Variants in FHIT observed in about 807,000 individuals in gnomAD.
FHIT encodes fragile histidine triad diadenosine triphosphatase.
FHIT carries 19 observed loss-of-function variants against 17.9 expected under a neutral mutation model. That is an observed-to-expected ratio of 1.06 (90% confidence interval 0.74 to 1.56). FHIT has a LOEUF of 1.56. FHIT is among the 40% of genes most tolerant of loss of function. The pLI is 0.00. For missense variants in FHIT, 248 were observed against 189.2 expected, an observed-to-expected ratio of 1.31 and a Z score of -1.82; for synonymous variants, 81 against 69.7, an observed-to-expected ratio of 1.16 and a Z score of -0.81.
intron 8 of FHIT, among the ~76,000 whole-genome samples, chr3:59,842,231 T>A (rs1701560018): frequency 6.6e-6 from 1 of 152,214 alleles, no homozygotes; most frequent in African/African-American, 2.4e-5. Context: ...ATAGCACTTA[T>A]CAGGATTTCC....
intron 5 of FHIT, among the ~76,000 whole-genome samples, chr3:60,307,268 A>T (rs1474304407): frequency 1.3e-5 from 2 of 152,174 alleles, no homozygotes; most frequent in Non-Finnish European, 2.9e-5. Context: ...AAAAGTCAGT[A>T]AATTCGCCTG....
At chr3:60,850,216 A>G (rs1703096918) in intron 3 of FHIT, among the ~76,000 whole-genome samples, 1 of 150,980 alleles carries the variant, frequency 6.6e-6, no homozygotes, top group South Asian at 2.1e-4. Flanking sequence ...TAAAGTACCT[A>G]CCTTTATCAG....
chr3:60,505,791 A>G (rs2034704912), intron 5 of FHIT, among the ~76,000 whole-genome samples: 1 of 152,182 alleles, frequency 6.6e-6, no homozygotes, highest in African/African-American at 2.4e-5. Context: ...ATTGGCATCC[A>G]TTGGTATTGC....
In FHIT at chr3:59,749,378, C is replaced by A; in HGVS notation, c.*207G>T. The A allele has an allele frequency of 4.3e-6, 1 of 231,010 alleles. No homozygotes were observed. Among genetic ancestry groups the A allele is most frequent in the Non-Finnish European group, 8.6e-6 (1 of 116,930 alleles). The allele number at this position is 231,010 out of a possible 1,614,324, so 14.3% of individuals were successfully genotyped here. ...GAGACAGGGGGAAACCTCAAATCTG[C>A]CTGTCTGAGCCGTTTAGGTCTAGGT... On this transcript the variant is annotated 3_prime_UTR_variant, in exon 10 of 10. Transcript: ENST00000492590.
At chr3:60,277,184 TC>T (rs1484071289) in intron 5 of FHIT, among the ~76,000 whole-genome samples, 2 of 152,182 alleles carry the variant, frequency 1.3e-5, no homozygotes, top group African/African-American at 4.8e-5. Context: ...GATCTGGTTT[TC>T]TCTTTTAACC....
At chr3:60,362,889 A>T (rs1413476080) in intron 5 of FHIT, among the ~76,000 whole-genome samples, 2 of 152,216 alleles carry the variant, frequency 1.3e-5, no homozygotes, top group African/African-American at 4.8e-5. Flanking sequence ...GTGTCAGAGA[A>T]ATCAGAAGTT....
At chr3:61,095,545 T>C (rs1416285873) in intron 2 of FHIT, among the ~76,000 whole-genome samples, 1 of 152,082 alleles carries the variant, frequency 6.6e-6, no homozygotes, top group Admixed American at 6.5e-5. Flanking sequence ...CCCAATAACA[T>C]ATCCACGAAG....
intron 5 of FHIT, among the ~76,000 whole-genome samples, chr3:60,206,150 AAT>A (rs1337724152): frequency 3.9e-5 from 3 of 77,264 alleles, no homozygotes; most frequent in Non-Finnish European, 5.8e-5. Context: ...AAAAAAAATA[AAT>A]AATAATAATA....
At chr3:59,880,318 A>C (rs1703356420) in intron 8 of FHIT, among the ~76,000 whole-genome samples, 1 of 151,918 alleles carries the variant, frequency 6.6e-6, no homozygotes, top group African/African-American at 2.4e-5. Flanking sequence ...CCTTCCCTTC[A>C]TCCAGCTTAA....
intron 3 of FHIT, among the ~76,000 whole-genome samples, chr3:60,956,373 T>C (rs61022836): frequency 0.24 from 36,591 of 152,056 alleles, 4,764 homozygotes; most frequent in African/African-American, 0.34. Context: ...GTAGGCAGCC[T>C]TTCAGATCCG....
At chr3:60,497,251 C>T (rs1438737961) in intron 5 of FHIT, among the ~76,000 whole-genome samples, 1 of 151,846 alleles carries the variant, frequency 6.6e-6, no homozygotes, top group Admixed American at 6.6e-5. Flanking sequence ...AAAGGCAGCC[C>T]TAAAAACAGA....
At chr3:61,043,128 T>A (rs768887709) in intron 2 of FHIT, among the ~76,000 whole-genome samples, 1 of 152,194 alleles carries the variant, frequency 6.6e-6, no homozygotes, top group South Asian at 2.1e-4. Context: ...GTGCACCCCA[T>A]GGAGTGTGAG....
At chr3:60,380,391 C>T (rs1374491882) in intron 5 of FHIT, among the ~76,000 whole-genome samples, 1 of 152,178 alleles carries the variant, frequency 6.6e-6, no homozygotes, top group Non-Finnish European at 1.5e-5. Context: ...GATGTTGGTG[C>T]CATGCTTGTA....
chr3:60,108,788 C>T (rs1704541194), intron 5 of FHIT, among the ~76,000 whole-genome samples: 1 of 151,998 alleles, frequency 6.6e-6, no homozygotes, highest in Admixed American at 6.6e-5. Flanking sequence ...CTCAGCCTCC[C>T]CAGTAGCTGG....
chr3:60,466,295 G>C (rs1187735042), intron 5 of FHIT, among the ~76,000 whole-genome samples: 4 of 151,982 alleles, frequency 2.6e-5, no homozygotes, highest in Admixed American at 2.6e-4. Context: ...AGAGTCTTTA[G>C]ATTTTTCCAA....
chr3:60,908,596 T>A (rs556462994), intron 3 of FHIT, among the ~76,000 whole-genome samples: 1 of 149,398 alleles, frequency 6.7e-6, no homozygotes, highest in African/African-American at 2.5e-5. Flanking sequence ...GAAGAGAGAC[T>A]GAAACAGACA....
chr3:60,587,185 G>C lies in FHIT; in HGVS notation c.-17-50206C>G, dbSNP rs146748805. Among the ~76,000 whole-genome samples, 323 of 152,110 alleles carry C rather than the reference G, an allele frequency of 2.1e-3. 2 individuals carry two copies. The highest frequency in any genetic ancestry group is 7.4e-3 in the African/African-American group (307 of 41,520). On this transcript the variant is annotated intron_variant, in intron 4 of 9. Coordinates refer to ENST00000492590, the MANE Select transcript of FHIT (RefSeq NM_002012.4). ...TACTATGCAGCCAAAAAAGGAATGA[G>C]ATAATGTCATTTGCAGGGACGTGGA...
intron 2 of FHIT, among the ~76,000 whole-genome samples, chr3:61,180,146 G>A (rs963115140): frequency 2.0e-5 from 3 of 152,070 alleles, no homozygotes; most frequent in East Asian, 1.9e-4. Context: ...TTTCCCTCAC[G>A]GCATCAATTT....
chr3:60,722,237 CA>C (rs1247902236), intron 4 of FHIT, among the ~76,000 whole-genome samples: 3 of 152,182 alleles, frequency 2.0e-5, no homozygotes, highest in African/African-American at 7.2e-5. Context: ...CAATTATATT[CA>C]AAGAAGAGGG....
Sources: allele counts gnomAD v4.1 joint callset (sites outside exome capture counted in the v4.1 genomes callset), GRCh38; gene constraint gnomAD v4.1.1; transcripts MANE v1.5; gene names NCBI Gene and HGNC (gene_info 2026-07-23, HGNC 2026-07-21).